RXRA: variants seen among roughly 807,000 people sequenced by gnomAD.
RXRA encodes retinoid X receptor alpha.
In RXRA, 5 loss-of-function variants were observed where a neutral mutation model predicts 44.5. That is an observed-to-expected ratio of 0.11 (90% CI 0.06 to 0.24). The LOEUF (loss-of-function observed/expected upper bound fraction) is 0.24. RXRA is among the 10% of genes least tolerant of loss of function. The probability of loss-of-function intolerance (pLI) is 1.00; values close to 1 mark genes in which losing one functional copy is unlikely to be tolerated. For missense variants in RXRA, 412 were observed against 646.5 expected (o/e 0.64, Z 3.93); for synonymous variants, 291 against 271.4 (o/e 1.07, Z -0.71).
intron 6 of RXRA, chr9:134,422,277 G>A (rs994605308): frequency 2.3e-6 from 3 of 1,284,192 alleles, no homozygotes; most frequent in African/African-American, 3.1e-5. Context: ...CCGCTCCCAG[G>A]ACACACTCCT....
At chr9:134,394,062 C>G (rs1381937215) in intron 1 of RXRA, among the ~76,000 whole-genome samples, 1 of 79,294 alleles carries the variant, frequency 1.3e-5, no homozygotes, top group Non-Finnish European at 2.8e-5. Flanking sequence ...GCCATCTGCA[C>G]AGTGGAGCAG....
intron 1 of RXRA, among the ~76,000 whole-genome samples, chr9:134,363,343 C>G (rs536101368): frequency 1.3e-5 from 2 of 152,202 alleles, no homozygotes; most frequent in African/African-American, 4.8e-5. Flanking sequence ...GGCGGTGGGC[C>G]CTGTCCACCC....
At chr9:134,326,684 G>C in intron 1 of RXRA, 25 bp downstream of exon 1, 1 of 863,978 alleles carries the variant, frequency 1.2e-6, no homozygotes, top group Non-Finnish European at 1.4e-6. Context: ...GGCCGGGCGG[G>C]GACGGGGCCG....
chr9:134,417,280 A>G lies in RXRA; in HGVS notation c.733A>G (p.Lys245Glu), dbSNP rs775035597. The G allele has an allele frequency of 6.2e-7, 1 of 1,613,870 alleles. No homozygotes were observed. ...GGAGGCTGAGCTGGCCGTGGAGCCC[A>G]AGACCGAGACCTACGTGGAGGCAAA... ...ILEAELAVEP[K>E]TETYVEANMG... Residue 245 changes from lysine (K) to glutamate (E), a missense_variant, in exon 5 of 10, where the codon AAG becomes GAG. By Grantham distance (56) the Lys-to-Glu change is moderately conservative. Transcript: ENST00000481739. This position sits in a 1 kb window ranked among gnomAD's most constrained non-coding sequence, Gnocchi z 6.1.
chr9:134,433,236 C>T lies in RXRA; in HGVS notation c.1136-866C>T, dbSNP rs1479290398. On this transcript the variant is annotated intron_variant, in intron 8 of 9. Transcript: ENST00000481739. This position sits in a 1 kb window ranked among gnomAD's most constrained non-coding sequence, Gnocchi z 4.2. ...CCAGCTCGGAGGCTGAGTCATGCCACGGCCCGGCCCGGCCCGAGGAATCCC... is the reference window on the plus strand; with the variant it reads ...CCAGCTCGGAGGCTGAGTCATGCCATGGCCCGGCCCGGCCCGAGGAATCCC... Among the ~76,000 whole-genome samples the T allele has an allele frequency of 6.6e-6, 1 of 152,098 alleles. No individual in the cohort carries two copies. Among genetic ancestry groups the T allele is most frequent in the Non-Finnish European group, 1.5e-5 (1 of 68,024 alleles).
At chr9:134,434,870 G>C (rs1831590716) in intron 9 of RXRA, among the ~76,000 whole-genome samples, 2 of 150,314 alleles carry the variant, frequency 1.3e-5, no homozygotes, top group African/African-American at 5.0e-5. Context: ...GCGGGGAGGG[G>C]GTCGGGGGAG....
intron 2 of RXRA, 128 bp downstream of exon 2, chr9:134,402,010 G>A: frequency 1.3e-6 from 1 of 788,162 alleles, no homozygotes; most frequent in Middle Eastern, 3.8e-4. Flanking sequence ...GCTTGACGCA[G>A]AGTATACAGA....
chr9:134,392,314 A>G (rs1830812103), intron 1 of RXRA, among the ~76,000 whole-genome samples: 1 of 133,406 alleles, frequency 7.5e-6, no homozygotes, highest in Non-Finnish European at 1.6e-5. Flanking sequence ...TGGTCTGCTC[A>G]CGATGCCCCG....
At chr9:134,428,294 G>A (rs1302598564) in intron 6 of RXRA, among the ~76,000 whole-genome samples, 1 of 144,882 alleles carries the variant, frequency 6.9e-6, no homozygotes, top group Admixed American at 7.0e-5. Context: ...ACTATGTTGA[G>A]GGGCTGCTGT....
intron 1 of RXRA, among the ~76,000 whole-genome samples, chr9:134,359,698 G>C (rs538707482): frequency 6.6e-6 from 1 of 152,340 alleles, no homozygotes; most frequent in African/African-American, 2.4e-5. Context: ...CTGAGGGCAG[G>C]GGAAGCGTGG....
In RXRA at chr9:134,426,071, A is replaced by T; in HGVS notation, c.911-3037A>T. On this transcript the variant is annotated intron_variant, in intron 6 of 9. Transcript: ENST00000481739. The surrounding 1 kb of genome is among the most constrained non-coding windows in gnomAD (Gnocchi z 4.6). Reference sequence around the variant, plus strand: ...GAGCGTTTGGGCAGGGCCACGAGGGATCTGCAGGAGTAAGTTCCTTGGGAA... The same window carrying T: ...GAGCGTTTGGGCAGGGCCACGAGGGTTCTGCAGGAGTAAGTTCCTTGGGAA... 1 of 985,398 alleles carries T rather than the reference A, an allele frequency of 1.0e-6. No individual in the cohort carries two copies. Among genetic ancestry groups the T allele is most frequent in the Non-Finnish European group, 1.2e-6 (1 of 829,916 alleles). 61.0% of individuals were successfully genotyped at this position (985,398 alleles called of 1,614,324 possible).
intron 1 of RXRA, among the ~76,000 whole-genome samples, chr9:134,330,614 C>A (rs538558373): frequency 1.3e-5 from 2 of 152,236 alleles, no homozygotes; most frequent in Non-Finnish European, 2.9e-5. Flanking sequence ...CTTCCTTCCT[C>A]TCCTCTGCCC....
chr9:134,328,374 G>A (rs1554746265), intron 1 of RXRA, among the ~76,000 whole-genome samples: 1 of 152,144 alleles, frequency 6.6e-6, no homozygotes. Context: ...GGAGCAAGGG[G>A]TGCCCAGTCG....
At chr9:134,369,391 C>T (rs1221280465) in intron 1 of RXRA, among the ~76,000 whole-genome samples, 2 of 70,662 alleles carry the variant, frequency 2.8e-5, no homozygotes, top group African/African-American at 1.3e-4. Context: ...TGTGGGAGTA[C>T]AGGGGTTGTG....
At position 134,417,148 on chromosome 9, in the gene RXRA, C is replaced by T. The variant is rs774464903; in HGVS notation, c.611-10C>T. ...GAGCGTGGGGCTCACCTGCGCCTCC[C>T]GGGTTGTAGCCGTGCAGGAGGAGCG... On this transcript the variant is annotated splice_polypyrimidine_tract_variant and intron_variant, in intron 4 of 9. Transcript: ENST00000481739. This position sits in a 1 kb window ranked among gnomAD's most constrained non-coding sequence, Gnocchi z 6.1. The T allele has an allele frequency of 9.3e-6, 15 of 1,607,582 alleles. No homozygotes were observed. The highest frequency in any genetic ancestry group is 5.3e-5 in the African/African-American group (4 of 74,886).
intron 1 of RXRA, among the ~76,000 whole-genome samples, chr9:134,389,701 TC>T (rs1385476534): frequency 6.6e-6 from 1 of 152,126 alleles, no homozygotes; most frequent in Non-Finnish European, 1.5e-5. Context: ...CATGTCTGGC[TC>T]TGCCTGTACA....
chr9:134,429,764 TG>T lies in RXRA; in HGVS notation c.1043+526del, dbSNP rs1424291670. Among the ~76,000 whole-genome samples the T allele has an allele frequency of 2.6e-5, 4 of 152,190 alleles. No individual in the cohort carries two copies. The East Asian group carries it at 7.7e-4, about 29-fold the overall frequency. On this transcript the variant is annotated intron_variant, in intron 7 of 9. Transcript: ENST00000481739. The stretch of plus-strand genomic sequence containing the variant: ...GACACACTGGAGGAGCAGCACTGGC[TG>T]GAGGGCCCACCCTCGTCCGGGCCTG...
intron 1 of RXRA, among the ~76,000 whole-genome samples, chr9:134,360,412 C>T (rs937163022): frequency 2.0e-5 from 3 of 152,188 alleles, no homozygotes; most frequent in African/African-American, 2.4e-5. Context: ...GTTCTGGGTT[C>T]GAGCTCTGGC....
rs142635093 is a variant in RXRA at position 134,385,722 on chromosome 9, G to A, written c.29-15910G>A. 3.4e-3 allele frequency among the ~76,000 whole-genome samples: 516 copies of A among 152,364 alleles called. 3 individuals carry two copies. Among genetic ancestry groups the A allele is most frequent in the Non-Finnish European group, 5.5e-3 (375 of 68,042 alleles). On this transcript the variant is annotated intron_variant, in intron 1 of 9. Transcript: ENST00000481739. ...GGACAAGGACAGGCACCCTGCATCCGGTTTTCCAGCACTCCTGCATGCCGG... is the reference window on the plus strand; with the variant it reads ...GGACAAGGACAGGCACCCTGCATCCAGTTTTCCAGCACTCCTGCATGCCGG...
Sources: allele counts gnomAD v4.1 joint callset (sites outside exome capture counted in the v4.1 genomes callset), GRCh38; gene constraint gnomAD v4.1.1; non-coding constraint Gnocchi (gnomAD v3.1); transcripts MANE v1.5; gene names NCBI Gene and HGNC (gene_info 2026-07-23, HGNC 2026-07-21).